Variants in CDC16 observed in about 807,000 individuals in gnomAD.
The protein encoded by CDC16 is cell division cycle protein 16 homolog.
Under a neutral mutation model 87.0 loss-of-function variants are expected in CDC16, and 34 were observed. The observed-to-expected ratio is 0.39, with a 90% CI of 0.30 to 0.52. CDC16 has a LOEUF of 0.52. Ranked by LOEUF, CDC16 falls within the 20% of genes least tolerant of loss-of-function variation. The probability of loss-of-function intolerance (pLI) is 0.74; values close to 1 mark genes in which losing one functional copy is unlikely to be tolerated. For synonymous variants in CDC16, 263 were observed against 260.6 expected (o/e 1.01, Z -0.09); for missense variants, 653 against 751.9 (o/e 0.87, Z 1.54).
rs1324711863 is a variant in CDC16 at position 114,242,238 on chromosome 13, T to G, written c.499T>G (p.Phe167Val). Residue 167 changes from phenylalanine (F) to valine (V), a missense_variant, in exon 6 of 18, where the codon TTC (phenylalanine) becomes GTC (valine). Coordinates refer to ENST00000356221, the MANE Select transcript of CDC16 (RefSeq NM_001078645.3). Reference protein sequence around the residue: ...LKLDVYCFEAFDLLTSHHMLT... With the variant: ...LKLDVYCFEAVDLLTSHHMLT... ...GCTTGATGTCTACTGTTTTGAAGCG[T>G]TCGATCTTTTAACATCACATCACAT... 6.2e-7 allele frequency: 1 copy of G among 1,614,080 alleles called. No homozygotes were observed. The highest frequency in any genetic ancestry group is 1.3e-5 in the African/African-American group (1 of 75,032).
At chr13:114,255,441 T>G (rs2082435838) in intron 12 of CDC16, among the ~76,000 whole-genome samples, 1 of 152,188 alleles carries the variant, frequency 6.6e-6, no homozygotes, top group Non-Finnish European at 1.5e-5. Context: ...CCCAACAATA[T>G]AATTGCACAT....
At chr13:114,247,107 GAATA>G (rs2081913218) in intron 11 of CDC16, 103 bp downstream of exon 11, 3 of 706,098 alleles carry the variant, frequency 4.2e-6, no homozygotes, top group Non-Finnish European at 7.4e-6. Flanking sequence ...CAATGTGAAA[GAATA>G]AATGTTTTTT....
chr13:114,252,075 T>C lies in CDC16; in HGVS notation c.1097+1401T>C, dbSNP rs543240102. 2.5e-3 allele frequency among the ~76,000 whole-genome samples: 363 copies of C among 144,774 alleles called. 1 individual carries two copies. The highest frequency in any genetic ancestry group is 4.0e-3 in the Non-Finnish European group (264 of 66,630). The allele number at this position is 144,774 out of a possible 152,430, so 95.0% of individuals were successfully genotyped here. On this transcript the variant is annotated intron_variant, in intron 12 of 17. Coordinates refer to ENST00000356221, the MANE Select transcript of CDC16 (RefSeq NM_001078645.3). ...ACACTAACCCTATTGGATAAGAGCCTTACACTAGCCCTGTTGGATAAGAGC... is the reference window on the plus strand; with the variant it reads ...ACACTAACCCTATTGGATAAGAGCCCTACACTAGCCCTGTTGGATAAGAGC...
intron 7 of CDC16, 113 bp from the exon 8 acceptor site, chr13:114,243,743 T>G (rs2081687191): frequency 1.3e-6 from 1 of 771,710 alleles, no homozygotes. Context: ...TTTCAGAGGC[T>G]CTCACATTTG....
intron 11 of CDC16, among the ~76,000 whole-genome samples, chr13:114,249,383 CACCT>C (rs2082040296): frequency 6.6e-6 from 1 of 151,496 alleles, no homozygotes. Context: ...AAGCTTTACT[CACCT>C]GCCTGCCACT....
chr13:114,238,859 A>G (rs2081393971), intron 3 of CDC16, 131 bp from the exon 4 acceptor site: 1 of 1,128,320 alleles, frequency 8.9e-7, no homozygotes, highest in Non-Finnish European at 1.2e-6. Context: ...ACAGGACTGG[A>G]TTTTTTTTTT....
chr13:114,246,678 C>T lies in CDC16; in HGVS notation c.898-253C>T, dbSNP rs1279337454. On this transcript the variant is annotated intron_variant, in intron 10 of 17. Coordinates refer to ENST00000356221, the MANE Select transcript of CDC16 (RefSeq NM_001078645.3). ...GATGAGCAGTGCAGGGGAGTCAGGA[C>T]TCACAGGCTGGTTTTTGAAACAGGG... 3.9e-5 allele frequency among the ~76,000 whole-genome samples: 6 copies of T among 152,176 alleles called. No individual in the cohort carries two copies. In the East Asian group the frequency reaches 1.2e-3, roughly 29 times the overall value.
chr13:114,246,266 T>G (rs1277739244), intron 10 of CDC16, among the ~76,000 whole-genome samples: 1 of 152,238 alleles, frequency 6.6e-6, no homozygotes, highest in Non-Finnish European at 1.5e-5. Flanking sequence ...AAAAGGTTTT[T>G]AAACCCTTTT....
intron 11 of CDC16, among the ~76,000 whole-genome samples, chr13:114,249,581 C>G (rs549901292): frequency 6.6e-6 from 1 of 152,274 alleles, no homozygotes; most frequent in South Asian, 2.1e-4. Flanking sequence ...CTCTTTATTC[C>G]TTGTGGGTTA....
intron 11 of CDC16, 42 bp downstream of exon 11, chr13:114,247,046 T>G: frequency 8.0e-7 from 1 of 1,255,868 alleles, no homozygotes; most frequent in African/African-American, 1.5e-5. Context: ...CCTGTAGAAT[T>G]GATGTCTTGC....
intron 17 of CDC16, among the ~76,000 whole-genome samples, chr13:114,268,136 G>C (rs78532506): frequency 1.7e-4 from 24 of 145,114 alleles, no homozygotes; most frequent in African/African-American, 3.2e-4. Flanking sequence ...AAAGGGAAAG[G>C]GGGGGGAGTT....
rs550764933 is a variant in CDC16, at chr13:114,252,907, G to C, written c.1097+2233G>C. Among the ~76,000 whole-genome samples, 6 of 151,908 alleles carry C rather than the reference G, an allele frequency of 3.9e-5. No individual in the cohort carries two copies. The East Asian group carries it at 1.2e-3, about 30-fold the overall frequency. On this transcript the variant is annotated intron_variant, in intron 12 of 17. Transcript: ENST00000356221. ...CCAGCACTTTGGGAGGCTGAGGTGG[G>C]AGGATTGCTTGAGGCCAGGAGTTTG...
chr13:114,239,832 C>T (rs530048907), intron 5 of CDC16, among the ~76,000 whole-genome samples: 4 of 152,174 alleles, frequency 2.6e-5, no homozygotes, highest in Non-Finnish European at 5.9e-5. Context: ...CTTTGATTAG[C>T]GTACATTGTT....
At chr13:114,242,588 G>A (rs1475784099) in intron 6 of CDC16, 25 of 245,874 alleles carry the variant, frequency 1.0e-4, no homozygotes, top group Non-Finnish European at 1.7e-4. Flanking sequence ...ACATCCTTGG[G>A]AAGACAGAGA....
At chr13:114,244,593 A>C (rs545283806) in intron 8 of CDC16, 158 of 230,290 alleles carry the variant, frequency 6.9e-4, no homozygotes, top group Non-Finnish European at 8.4e-4. Flanking sequence ...GTTGGTTTTG[A>C]TTCTTTTAAA....
intron 1 of CDC16, among the ~76,000 whole-genome samples, chr13:114,236,015 AACTGAGGCAGAGACTGTAGAAG>A: frequency 6.6e-6 from 1 of 152,060 alleles, no homozygotes; most frequent in South Asian, 2.1e-4. Flanking sequence ...TCTCCAGGGG[AACTGAGGCAGAGACTGTAGAAG>A]ACTGAGGACT....
chr13:114,239,559 A>T (rs932969078), intron 5 of CDC16, 69 bp downstream of exon 5: 2 of 1,406,116 alleles, frequency 1.4e-6, no homozygotes, highest in South Asian at 2.0e-5. Context: ...GCAGAAACAC[A>T]TTATCTTCTT....
At chr13:114,238,113 C>T (rs887065622) in intron 3 of CDC16, among the ~76,000 whole-genome samples, 1,311 of 146,870 alleles carry the variant, frequency 8.9e-3, no homozygotes, top group African/African-American at 0.033. Flanking sequence ...GGAGCTGCTG[C>T]GATCTCCTTG....
chr13:114,261,100 C>G (rs2082832659), intron 14 of CDC16, among the ~76,000 whole-genome samples: 2 of 152,102 alleles, frequency 1.3e-5, no homozygotes, highest in Admixed American at 6.5e-5. Context: ...TGAAAGTCAT[C>G]AGACATCAGC....
Sources: gnomAD v4.1 joint callset for allele counts (sites outside exome capture counted in the v4.1 genomes callset) on GRCh38, gnomAD v4.1.1 for gene constraint, MANE v1.5 for transcripts, NCBI Gene and HGNC (gene_info 2026-07-23, HGNC 2026-07-21) for gene names.